FAM184A: variants seen among roughly 807,000 people sequenced by gnomAD.
FAM184A encodes the protein protein FAM184A.
FAM184A carries 99 observed loss-of-function variants against 143.8 expected under a neutral mutation model. The ratio of observed to expected loss-of-function variants is 0.69; its 90% CI spans 0.58 to 0.81. The LOEUF (loss-of-function observed/expected upper bound fraction) is 0.81. Among genes scored for constraint, FAM184A ranks in the 40% least tolerant of loss-of-function variants. The probability of loss-of-function intolerance (pLI) is 0.00; values close to 1 mark genes in which losing one functional copy is unlikely to be tolerated. For missense variants in FAM184A, 1,217 were observed against 1,310.5 expected, an observed-to-expected ratio of 0.93 and a Z score of 1.10; for synonymous variants, 427 against 446.4, an observed-to-expected ratio of 0.96 and a Z score of 0.55.
chr6:119,118,342 G>A (rs1789116715), intron 1 of FAM184A, among the ~76,000 whole-genome samples: 1 of 152,062 alleles, frequency 6.6e-6, no homozygotes, highest in South Asian at 2.1e-4. Flanking sequence ...TATATATAAA[G>A]GGCTTAGAAT....
intron 1 of FAM184A, among the ~76,000 whole-genome samples, chr6:119,030,635 T>C (rs1389591871): frequency 6.6e-6 from 1 of 151,962 alleles, no homozygotes; most frequent in Non-Finnish European, 1.5e-5. Flanking sequence ...TAAAAATATA[T>C]ATGTAAGGCA....
chr6:119,092,053 A>G (rs1254393669), intron 1 of FAM184A, among the ~76,000 whole-genome samples: 5 of 152,202 alleles, frequency 3.3e-5, no homozygotes. Context: ...GATGTTCTCC[A>G]GAGAACATTA....
At chr6:118,974,598 GA>G (rs1476061895) in intron 13 of FAM184A, 24 bp from the exon 14 acceptor site, 1 of 1,564,534 alleles carries the variant, frequency 6.4e-7, no homozygotes, top group African/African-American at 1.4e-5. Context: ...TTTTAGTTAA[GA>G]AAATGTTATT....
intron 1 of FAM184A, among the ~76,000 whole-genome samples, chr6:119,062,213 G>A (rs148984177): frequency 1.2e-4 from 18 of 152,258 alleles, no homozygotes; most frequent in African/African-American, 4.3e-4. Flanking sequence ...AAAACAAAGA[G>A]AAAAATAACT....
In FAM184A at chr6:118,961,958, C is replaced by G. The variant is rs780660408; in HGVS notation, c.3144G>C (p.Lys1048Asn). 5 of 1,613,542 alleles carry G rather than the reference C, an allele frequency of 3.1e-6. No individual in the cohort carries two copies. The highest frequency in any genetic ancestry group is 1.7e-4 in the Middle Eastern group (1 of 6,058). The stretch of plus-strand genomic sequence containing the variant: ...TTGTTGGTGATTTATCATTCTTCTT[C>G]TTTTGCTGCATTAAAAATAATACAT... Reference protein sequence around the residue: ...VGVINPLAKQKKKNDKSPTNR... With the variant: ...VGVINPLAKQNKKNDKSPTNR... Residue 1048 changes from lysine (K) to asparagine (N), a missense_variant, in exon 17 of 18, where the codon AAG becomes AAC. Lys to Asn is a moderately conservative substitution (Grantham distance 94). Coordinates refer to ENST00000338891, the MANE Select transcript of FAM184A (RefSeq NM_024581.6).
intron 17 of FAM184A, among the ~76,000 whole-genome samples, chr6:118,960,422 C>T (rs1193532929): frequency 6.6e-6 from 1 of 151,938 alleles, no homozygotes; most frequent in Non-Finnish European, 1.5e-5. Context: ...ACAACAATCA[C>T]AAAGAACAAA....
At chr6:119,079,344 A>G (rs915867487), upstream of FAM184A, among the ~76,000 whole-genome samples, 9 of 152,182 alleles carry the variant, frequency 5.9e-5, no homozygotes, top group African/African-American at 2.2e-4. Context: ...TAGATATGAA[A>G]CTACTTGGCT....
intron 1 of FAM184A, among the ~76,000 whole-genome samples, chr6:119,034,007 AAAAAAAAAAAAAAT>A (rs1244803072): frequency 2.2e-5 from 1 of 44,964 alleles, no homozygotes; most frequent in African/African-American, 1.0e-4. Context: ...AAAAAAAAAA[AAAAAAAAAAAAAAT>A]ATATATATAT....
At position 119,024,647 on chromosome 6, in the gene FAM184A, T is replaced by G; in HGVS notation, c.326A>C (p.Gln109Pro). Residue 109 changes from glutamine (Q) to proline (P), a missense_variant, in exon 2 of 18, where the codon CAA becomes CCA. By Grantham distance (76) the Gln-to-Pro change is moderately conservative (BLOSUM62 -1). Coordinates refer to ENST00000338891, the MANE Select transcript of FAM184A (RefSeq NM_024581.6). ...ATCTTCTAATGATGATTCTAAAACTTGAATCTTTCTTCTAAGGTCTAGCTC... is the reference window on the plus strand; with the variant it reads ...ATCTTCTAATGATGATTCTAAAACTGGAATCTTTCTTCTAAGGTCTAGCTC... ...TEELDLRRKI[Q>P]VLESSLEDHI... 1 of 1,614,096 alleles carries G rather than the reference T, an allele frequency of 6.2e-7. No homozygotes were observed. Among genetic ancestry groups the G allele is most frequent in the South Asian group, 1.1e-5 (1 of 91,076 alleles).
chr6:119,093,301 A>G (rs1788423746), intron 1 of FAM184A, among the ~76,000 whole-genome samples: 1 of 152,084 alleles, frequency 6.6e-6, no homozygotes. Context: ...CAACTGTGGC[A>G]TCTCTACATT....
chr6:119,097,871 C>T (rs1205120126), intron 1 of FAM184A, among the ~76,000 whole-genome samples: 1 of 152,168 alleles, frequency 6.6e-6, no homozygotes, highest in Non-Finnish European at 1.5e-5. Flanking sequence ...ACCTTTCTGT[C>T]TTGGAGCTGG....
chr6:119,019,043 T>C (rs1352430164), intron 4 of FAM184A, among the ~76,000 whole-genome samples: 2 of 152,048 alleles, frequency 1.3e-5, no homozygotes, highest in African/African-American at 2.4e-5. Context: ...TCAGAGAAAA[T>C]GTCTGGCCTG....
intron 1 of FAM184A, among the ~76,000 whole-genome samples, chr6:119,089,892 T>C (rs1562146060): frequency 6.6e-6 from 1 of 152,224 alleles, no homozygotes; most frequent in African/African-American, 2.4e-5. Context: ...AGAAAACTCA[T>C]CTCTATCATC....
At chr6:119,036,628 C>T (rs989314802) in intron 1 of FAM184A, among the ~76,000 whole-genome samples, 11 of 151,996 alleles carry the variant, frequency 7.2e-5, no homozygotes, top group African/African-American at 2.2e-4. Flanking sequence ...AGGATCTGTG[C>T]AATGGGATCT....
chr6:119,002,415 C>T (rs1784791690), intron 9 of FAM184A, among the ~76,000 whole-genome samples: 1 of 152,110 alleles, frequency 6.6e-6, no homozygotes, highest in East Asian at 1.9e-4. Context: ...AGGAATACTA[C>T]CACCTTTTGT....
chr6:119,029,184 G>A (rs867231447), intron 1 of FAM184A, among the ~76,000 whole-genome samples: 20 of 152,134 alleles, frequency 1.3e-4, no homozygotes, highest in Non-Finnish European at 2.8e-4. Flanking sequence ...AGAATTCAAC[G>A]AGGTAAAATC....
intron 9 of FAM184A, among the ~76,000 whole-genome samples, chr6:119,002,298 A>C (rs1048228013): frequency 6.6e-6 from 1 of 152,186 alleles, no homozygotes; most frequent in Admixed American, 6.5e-5. Flanking sequence ...AATGTTAAGA[A>C]TTAATAAATT....
chr6:119,016,482 G>C (rs1038108622), intron 5 of FAM184A, among the ~76,000 whole-genome samples: 3 of 151,954 alleles, frequency 2.0e-5, no homozygotes, highest in Admixed American at 1.3e-4. Context: ...TACCTTAAGA[G>C]CTGTAACACT....
intron 6 of FAM184A, among the ~76,000 whole-genome samples, chr6:119,008,769 T>G (rs1785003297): frequency 6.6e-6 from 1 of 152,144 alleles, no homozygotes; most frequent in South Asian, 2.1e-4. Flanking sequence ...CTACAGTGAG[T>G]TTTTTATAAA....
Sources: gnomAD v4.1 joint callset for allele counts (sites outside exome capture counted in the v4.1 genomes callset) on GRCh38, gnomAD v4.1.1 for gene constraint, MANE v1.5 for transcripts, NCBI Gene and HGNC (gene_info 2026-07-23, HGNC 2026-07-21) for gene names.